Variants in C8orf34 observed in about 807,000 individuals in gnomAD.
The protein encoded by C8orf34 is chromosome 8 open reading frame 34.
C8orf34 carries 65 observed loss-of-function variants against 68.3 expected under a neutral mutation model. That is an observed-to-expected ratio of 0.95 (90% CI 0.78 to 1.17). C8orf34 has a LOEUF of 1.17. Among genes scored for constraint, C8orf34 ranks in the 50% most tolerant of loss-of-function variants. The pLI is 0.00. For missense variants in C8orf34, 664 were observed against 655.4 expected, an observed-to-expected ratio of 1.01 and a Z score of -0.14; for synonymous variants, 244 against 241.2, an observed-to-expected ratio of 1.01 and a Z score of -0.11.
At chr8:68,509,299 C>A (rs780514637) in intron 5 of C8orf34, among the ~76,000 whole-genome samples, 12 of 152,104 alleles carry the variant, frequency 7.9e-5, no homozygotes, top group Non-Finnish European at 1.5e-4. Context: ...CAAGAGCAGA[C>A]AAACTGGGTT....
chr8:68,529,842 C>G (rs1271862453), intron 6 of C8orf34, among the ~76,000 whole-genome samples: 2 of 151,934 alleles, frequency 1.3e-5, no homozygotes. Flanking sequence ...TTTCAAGATA[C>G]AGTATATATT....
intron 5 of C8orf34, among the ~76,000 whole-genome samples, chr8:68,507,990 T>C (rs1814099012): frequency 6.6e-6 from 1 of 152,230 alleles, no homozygotes; most frequent in African/African-American, 2.4e-5. Context: ...GTTACATCCT[T>C]GATCTCTTCT....
intron 4 of C8orf34, among the ~76,000 whole-genome samples, chr8:68,472,600 G>A (rs1586211179): frequency 6.6e-6 from 1 of 152,104 alleles, no homozygotes; most frequent in South Asian, 2.1e-4. Flanking sequence ...TATTATTATT[G>A]CTAGTACTAC....
chr8:68,786,768 T>C (rs1372603409), intron 11 of C8orf34, among the ~76,000 whole-genome samples: 1 of 152,184 alleles, frequency 6.6e-6, no homozygotes, highest in Non-Finnish European at 1.5e-5. Flanking sequence ...TGAAAAATTA[T>C]AAGCAACATA....
At chr8:68,759,343 A>C (rs1005089011) in intron 10 of C8orf34, among the ~76,000 whole-genome samples, 1 of 152,220 alleles carries the variant, frequency 6.6e-6, no homozygotes. Flanking sequence ...TCCTCATTCA[A>C]ATAAAAACAA....
At chr8:68,769,757 T>C (rs981043560) in intron 10 of C8orf34, among the ~76,000 whole-genome samples, 3 of 152,166 alleles carry the variant, frequency 2.0e-5, no homozygotes, top group African/African-American at 7.2e-5. Context: ...TTTTCAGACG[T>C]TTACTTTTTA....
intron 6 of C8orf34, 151 bp downstream of exon 6, chr8:68,522,122 G>T: frequency 1.7e-6 from 1 of 595,222 alleles, no homozygotes; most frequent in Non-Finnish European, 2.7e-6. Context: ...AACATCAATT[G>T]CTGTCTCTTA....
intron 1 of C8orf34, among the ~76,000 whole-genome samples, chr8:68,395,129 G>A (rs1398809371): frequency 6.6e-6 from 1 of 151,916 alleles, no homozygotes; most frequent in Non-Finnish European, 1.5e-5. Flanking sequence ...AGTACAAAAA[G>A]TATTTTTTTT....
At chr8:68,791,918 C>A (rs912737361) in intron 12 of C8orf34, 1 of 152,140 alleles carries the variant, frequency 6.6e-6, no homozygotes, top group Non-Finnish European at 1.5e-5. Context: ...AGACTTTGAA[C>A]GAAAAATGTA....
chr8:68,353,635 TATTA>T (rs1267605744), intron 1 of C8orf34, among the ~76,000 whole-genome samples: 2 of 115,840 alleles, frequency 1.7e-5, no homozygotes, highest in East Asian at 4.7e-4. Context: ...ATTATATATA[TATTA>T]TATATATATA....
intron 8 of C8orf34, among the ~76,000 whole-genome samples, chr8:68,672,322 C>G (rs1351423083): frequency 2.0e-5 from 3 of 152,298 alleles, no homozygotes; most frequent in African/African-American, 7.2e-5. Context: ...TGAGCAATCA[C>G]AGTACCTGGT....
At chr8:68,520,267 G>C (rs1814692514) in intron 5 of C8orf34, among the ~76,000 whole-genome samples, 1 of 152,188 alleles carries the variant, frequency 6.6e-6, no homozygotes, top group East Asian at 1.9e-4. Context: ...TTGAAGAAAT[G>C]CTCATCAAAT....
rs543953420 is a variant in C8orf34, at chr8:68,767,808, G to A, written c.1405-8591G>A. Reference sequence around the variant, plus strand: ...GTATGTGCCACCACACCTAGCTGGCGTGGCTATTTAATATCTGATTGTTTC... The same window carrying A: ...GTATGTGCCACCACACCTAGCTGGCATGGCTATTTAATATCTGATTGTTTC... On this transcript the variant is annotated intron_variant, in intron 10 of 13. Transcript: ENST00000518698. Among the ~76,000 whole-genome samples, 38 of 152,240 alleles carry A rather than the reference G, an allele frequency of 2.5e-4. No individual in the cohort carries two copies. The South Asian group carries it at 6.0e-3, about 24-fold the overall frequency.
chr8:68,459,217 C>T (rs902106765), intron 3 of C8orf34, among the ~76,000 whole-genome samples: 15 of 152,024 alleles, frequency 9.9e-5, no homozygotes, highest in Admixed American at 4.6e-4. Flanking sequence ...ACTCAGGGAA[C>T]TCTTTCATTT....
intron 5 of C8orf34, among the ~76,000 whole-genome samples, chr8:68,498,160 T>C (rs542322503): frequency 6.6e-6 from 1 of 152,190 alleles, no homozygotes; most frequent in South Asian, 2.1e-4. Flanking sequence ...AAAACAACAA[T>C]AGCAAAACCT....
intron 7 of C8orf34, chr8:68,535,293 G>C: frequency 1.6e-5 from 16 of 980,528 alleles, no homozygotes; most frequent in Non-Finnish European, 1.9e-5. Context: ...AAATCTTTTT[G>C]AATCTACATT....
intron 7 of C8orf34, among the ~76,000 whole-genome samples, chr8:68,617,789 C>A (rs1387398408): frequency 1.3e-5 from 2 of 152,220 alleles, no homozygotes; most frequent in African/African-American, 4.8e-5. Flanking sequence ...CGAGGAGTAT[C>A]TTTGTGGAGT....
intron 5 of C8orf34, among the ~76,000 whole-genome samples, chr8:68,513,952 T>C (rs1563498514): frequency 6.6e-6 from 1 of 152,160 alleles, no homozygotes; most frequent in Non-Finnish European, 1.5e-5. Context: ...TGAAAAGGCT[T>C]AGAAGCAACA....
At chr8:68,611,854 T>A (rs1369224) in intron 7 of C8orf34, among the ~76,000 whole-genome samples, 44,876 of 152,062 alleles carry the variant, frequency 0.3, 8,448 homozygotes, top group African/African-American at 0.55. Flanking sequence ...CAGTGAGCAG[T>A]GGCCCCCAAG....
Sources: allele counts gnomAD v4.1 joint callset (sites outside exome capture counted in the v4.1 genomes callset), GRCh38; gene constraint gnomAD v4.1.1; transcripts MANE v1.5; gene names NCBI Gene and HGNC (gene_info 2026-07-23, HGNC 2026-07-21).